HS3ST4: variants seen among roughly 807,000 people sequenced by gnomAD.
HS3ST4 encodes the protein heparan sulfate-glucosamine 3-sulfotransferase 4.
In HS3ST4, 17 loss-of-function variants were observed where a neutral mutation model predicts 29.2. That is an observed-to-expected ratio of 0.58 (90% confidence interval 0.40 to 0.87). The LOEUF (loss-of-function observed/expected upper bound fraction) is 0.87, where lower values mean the gene tolerates loss of function less well. Among genes scored for constraint, HS3ST4 ranks in the 40% least tolerant of loss-of-function variants. The pLI is 0.00. For synonymous variants in HS3ST4, 314 were observed against 285.7 expected, an observed-to-expected ratio of 1.10 and a Z score of -1.00; for missense variants, 627 against 634.5, an observed-to-expected ratio of 0.99 and a Z score of 0.13.
intron 1 of HS3ST4, among the ~76,000 whole-genome samples, chr16:26,088,495 G>T (rs911042682): frequency 6.6e-6 from 1 of 152,142 alleles, no homozygotes; most frequent in Non-Finnish European, 1.5e-5. Context: ...TGAGGCGAAT[G>T]GTTGGTTATT....
At chr16:25,879,446 G>T (rs902378027) in intron 1 of HS3ST4, among the ~76,000 whole-genome samples, 22 of 152,094 alleles carry the variant, frequency 1.4e-4, no homozygotes, top group African/African-American at 5.1e-4. Flanking sequence ...AAGGTGAAAG[G>T]CACGTCTCGC....
intron 1 of HS3ST4, among the ~76,000 whole-genome samples, chr16:25,779,280 G>A (rs2141614539): frequency 6.6e-6 from 1 of 152,318 alleles, no homozygotes; most frequent in East Asian, 1.9e-4. Context: ...AGAAAACAAA[G>A]CTAAACAGCG....
intron 1 of HS3ST4, among the ~76,000 whole-genome samples, chr16:25,719,026 A>G (rs1966476112): frequency 6.6e-6 from 1 of 152,248 alleles, no homozygotes; most frequent in East Asian, 1.9e-4. Context: ...ACCATGTTGG[A>G]TGTCACTAAA....
chr16:25,737,937 C>T (rs1966621871), intron 1 of HS3ST4, among the ~76,000 whole-genome samples: 1 of 137,662 alleles, frequency 7.3e-6, no homozygotes, highest in African/African-American at 2.8e-5. Context: ...TGGAGTCTCA[C>T]TTTGTTGCCC....
chr16:25,901,519 A>G (rs1300225070), intron 1 of HS3ST4, among the ~76,000 whole-genome samples: 3 of 152,168 alleles, frequency 2.0e-5, no homozygotes, highest in South Asian at 4.1e-4. Context: ...AAAAATGCAA[A>G]AATTAGCCAG....
At chr16:25,907,440 C>T (rs1052873799) in intron 1 of HS3ST4, among the ~76,000 whole-genome samples, 4 of 152,100 alleles carry the variant, frequency 2.6e-5, no homozygotes, top group African/African-American at 9.7e-5. Flanking sequence ...TTGATCATGA[C>T]ATTCCAGCCA....
chr16:25,822,365 A>G (rs1967167290), intron 1 of HS3ST4, among the ~76,000 whole-genome samples: 1 of 152,098 alleles, frequency 6.6e-6, no homozygotes, highest in Non-Finnish European at 1.5e-5. Flanking sequence ...CCTCTCCTCC[A>G]AAACGCCTCA....
chr16:25,992,678 G>A (rs1273872394), intron 1 of HS3ST4, among the ~76,000 whole-genome samples: 1 of 152,238 alleles, frequency 6.6e-6, no homozygotes, highest in Non-Finnish European at 1.5e-5. Context: ...TGGGTGCCAC[G>A]TTGAAGGCAA....
chr16:26,021,765 G>A lies in HS3ST4; in HGVS notation c.735-113847G>A, dbSNP rs1277876925. Among the ~76,000 whole-genome samples, 3 of 152,228 alleles carry A rather than the reference G, an allele frequency of 2.0e-5. No individual in the cohort carries two copies. In the East Asian group the frequency reaches 5.8e-4, roughly 29 times the overall value. On this transcript the variant is annotated intron_variant, in intron 1 of 1. Coordinates refer to ENST00000331351, the MANE Select transcript of HS3ST4 (RefSeq NM_006040.3). ...TGCAACCTCCGCCTCCTGAGTTCAA[G>A]TGATTCTCCTGCCTCAGCCTCCTGA...
intron 1 of HS3ST4, among the ~76,000 whole-genome samples, chr16:25,819,882 G>A (rs1967130029): frequency 6.6e-6 from 1 of 150,910 alleles, no homozygotes; most frequent in South Asian, 2.1e-4. Context: ...ATGGTGGTGG[G>A]CGCCTGTAAC....
intron 1 of HS3ST4, among the ~76,000 whole-genome samples, chr16:26,031,753 C>T (rs897432336): frequency 6.7e-6 from 1 of 148,348 alleles, no homozygotes; most frequent in African/African-American, 2.5e-5. Context: ...ATTAAAGATA[C>T]TTTCCATAAA....
At chr16:26,026,817 C>G (rs758230896) in intron 1 of HS3ST4, among the ~76,000 whole-genome samples, 6 of 152,290 alleles carry the variant, frequency 3.9e-5, no homozygotes, top group Admixed American at 6.5e-5. Context: ...GGCACTGGTG[C>G]TCAAGCTATC....
At chr16:25,697,272 A>G (rs377584691) in intron 1 of HS3ST4, among the ~76,000 whole-genome samples, 75 of 152,362 alleles carry the variant, frequency 4.9e-4, no homozygotes, top group African/African-American at 1.5e-3. Flanking sequence ...AATATGTAAT[A>G]CAAATTCTGG....
At chr16:25,739,203 G>A (rs964256551) in intron 1 of HS3ST4, among the ~76,000 whole-genome samples, 40 of 152,200 alleles carry the variant, frequency 2.6e-4, no homozygotes, top group African/African-American at 6.7e-4. Flanking sequence ...TTAGCTAGGC[G>A]TGGTGGCGGG....
At chr16:26,110,494 T>G (rs992255811) in intron 1 of HS3ST4, among the ~76,000 whole-genome samples, 2 of 152,220 alleles carry the variant, frequency 1.3e-5, no homozygotes, top group African/African-American at 4.8e-5. Flanking sequence ...TCTTCCAGTT[T>G]CTCAGGCCTG....
chr16:25,866,062 A>G (rs1411115115), intron 1 of HS3ST4, among the ~76,000 whole-genome samples: 2 of 152,238 alleles, frequency 1.3e-5, no homozygotes, highest in Non-Finnish European at 2.9e-5. Context: ...GCTATTTGCA[A>G]ACTATCCATT....
intron 1 of HS3ST4, among the ~76,000 whole-genome samples, chr16:25,892,536 G>A (rs1301691579): frequency 6.6e-6 from 1 of 152,166 alleles, no homozygotes; most frequent in East Asian, 1.9e-4. Context: ...TGGATGAGTT[G>A]AAACGGAAGA....
At chr16:26,023,127 G>A (rs1179365499) in intron 1 of HS3ST4, among the ~76,000 whole-genome samples, 1 of 151,972 alleles carries the variant, frequency 6.6e-6, no homozygotes, top group African/African-American at 2.4e-5. Flanking sequence ...TTACCTCACT[G>A]GATTTCTTAA....
chr16:25,722,790 G>A (rs560836412), intron 1 of HS3ST4, among the ~76,000 whole-genome samples: 9 of 152,270 alleles, frequency 5.9e-5, no homozygotes, highest in South Asian at 4.1e-4. Flanking sequence ...CAGTAAAATG[G>A]AACTACTAAT....
Sources: gnomAD v4.1 joint callset for allele counts (sites outside exome capture counted in the v4.1 genomes callset) on GRCh38, gnomAD v4.1.1 for gene constraint, MANE v1.5 for transcripts, NCBI Gene and HGNC (gene_info 2026-07-23, HGNC 2026-07-21) for gene names.